The following ZNF276 variants were observed in gnomAD, a reference collection of about 807,000 sequenced individuals.
The protein encoded by ZNF276 is zinc finger protein 276, also known as centromere protein Z.
A neutral mutation model predicts 63.9 loss-of-function variants in ZNF276; 59 were observed. That is an observed-to-expected ratio of 0.92 (90% CI 0.75 to 1.15). The LOEUF (loss-of-function observed/expected upper bound fraction) is 1.15. Among genes scored for constraint, ZNF276 ranks in the 50% most tolerant of loss-of-function variants. The pLI, the probability that ZNF276 is intolerant of heterozygous loss-of-function variation, is 0.00. For missense variants in ZNF276, 1,084 were observed against 843.8 expected, an observed-to-expected ratio of 1.28 and a Z score of -3.53; for synonymous variants, 496 against 348.4, an observed-to-expected ratio of 1.42 and a Z score of -4.72.
intron 4 of ZNF276, among the ~76,000 whole-genome samples, chr16:89,724,744 G>A (rs1209142257): frequency 6.6e-6 from 1 of 152,208 alleles, no homozygotes; most frequent in Non-Finnish European, 1.5e-5. Context: ...GATTGTGAGT[G>A]TCACATCTTA....
rs2062115558 is a variant in ZNF276 at position 89,740,844 on chromosome 16, A to G, written c.*2598A>G. 4 of 1,613,086 alleles carry G rather than the reference A, an allele frequency of 2.5e-6. No homozygotes were observed. The South Asian group carries it at 3.3e-5, about 13-fold the overall frequency. On this transcript the variant is annotated 3_prime_UTR_variant, in exon 11 of 11. Coordinates refer to ENST00000443381, the MANE Select transcript of ZNF276 (RefSeq NM_001113525.2). Reference sequence around the variant, plus strand: ...TGACGACAGCAGGCCCATCAAGGAGAAGAAGAAAAGGAAAACCAATAGCTG... The same window carrying G: ...TGACGACAGCAGGCCCATCAAGGAGGAGAAGAAAAGGAAAACCAATAGCTG...
intron 6 of ZNF276, chr16:89,733,075 CT>C (rs1345763771): frequency 8.9e-6 from 5 of 559,762 alleles, no homozygotes; most frequent in South Asian, 2.0e-5. Context: ...GTGTTCACCC[CT>C]GACCCTGCTG....
At position 89,739,611 on chromosome 16, in the gene ZNF276, T is replaced by C. The variant is rs1353743360; in HGVS notation, c.*1365T>C. The C allele has an allele frequency of 5.2e-6, 8 of 1,535,344 alleles. No homozygotes were observed. The highest frequency in any genetic ancestry group is 3.9e-5 in the Admixed American group (2 of 50,960). ...GGACATCTCTGCCTATTATCAGTGC[T>C]GGGGACACCCCTGGGGGTCGGGACG... On this transcript the variant is annotated 3_prime_UTR_variant, in exon 11 of 11. Coordinates refer to ENST00000443381, the MANE Select transcript of ZNF276 (RefSeq NM_001113525.2).
chr16:89,721,833 G>A lies in ZNF276; in HGVS notation c.193G>A (p.Ala65Thr). ...CTGCGGGGACGCGGGCGAGGACGGC[G>A]CGGACGAGGCAGGTGGGTCCGCGGC... ...GSCGDAGEDG[A>T]DEAGAGRALA... The change falls in exon 1 of 11, where the codon GCG becomes ACG. Residue 65 changes from alanine to threonine, a missense_variant. Physicochemically the swap from Ala to Thr is moderately conservative, Grantham distance 58 (BLOSUM62 0). Coordinates refer to ENST00000443381, the MANE Select transcript of ZNF276 (RefSeq NM_001113525.2). 8.2e-7 allele frequency: 1 copy of A among 1,219,044 alleles called. No individual in the cohort carries two copies. Among genetic ancestry groups the A allele is most frequent in the Non-Finnish European group, 1.0e-6 (1 of 980,198 alleles). The allele number at this position is 1,219,044 out of a possible 1,614,324, so 75.5% of individuals were successfully genotyped here.
Position 89,733,494 on chromosome 16 carries a change from C to T in ZNF276, c.1293C>T (p.Pro431=). 6.2e-7 allele frequency: 1 copy of T among 1,614,196 alleles called. No individual in the cohort carries two copies. The highest frequency in any genetic ancestry group is 8.5e-7 in the Non-Finnish European group (1 of 1,180,034). ...CTCTTCATTGCAGGGAGGAGCTTCC[C>T]ACCATCTACAAGTGTCCTTACCAGG... ...KKLRCEREEL[P]TIYKCPYQGC... is the part of the protein sequence containing the mutation. The change falls in exon 8 of 11, where the codon CCC becomes CCT. Residue 431 remains proline (P), a synonymous_variant. Coordinates refer to ENST00000443381, the MANE Select transcript of ZNF276 (RefSeq NM_001113525.2).
At chr16:89,721,980 C>A (rs2061300137) in intron 1 of ZNF276, 135 bp downstream of exon 1, 1 of 616,672 alleles carries the variant, frequency 1.6e-6, no homozygotes. Context: ...GGGGCTGCGT[C>A]GGGATAGGCG....
At position 89,728,370 on chromosome 16, in the gene ZNF276, G is replaced by A. The variant is rs964207213; in HGVS notation, c.1086-865G>A. 9.2e-5 allele frequency among the ~76,000 whole-genome samples: 14 copies of A among 151,474 alleles called. No homozygotes were observed. The South Asian group carries it at 1.3e-3, about 14-fold the overall frequency. On this transcript the variant is annotated intron_variant, in intron 5 of 10. Coordinates refer to ENST00000443381, the MANE Select transcript of ZNF276 (RefSeq NM_001113525.2). ...CTCCCGAGTAGCTGGGATTACAGGC[G>A]CCCGCCACCACACCCAGCTAAGTTT...
In ZNF276 at chr16:89,733,343, C is replaced by G; in HGVS notation, c.1211C>G (p.Ser404Cys). Residue 404 changes from serine (S) to cysteine (C), a missense_variant, in exon 7 of 11, where the codon TCT (serine) becomes TGT (cysteine). By Grantham distance (112) the Ser-to-Cys change is moderately radical. Transcript: ENST00000443381. ...KKSESKEAKK[S>C]EEPRIRKKPG... ...AGTGAAAGCAAAGAAGCCAAGAAGT[C>G]TGAAGAACCAAGAATTCGGAAGAAG... The G allele has an allele frequency of 6.2e-7, 1 of 1,614,148 alleles. No homozygotes were observed. The highest frequency in any genetic ancestry group is 8.5e-7 in the Non-Finnish European group (1 of 1,180,034).
At position 89,737,983 on chromosome 16, in the gene ZNF276, G is replaced by A; in HGVS notation, c.1582G>A (p.Val528Ile). 1.2e-6 allele frequency: 2 copies of A among 1,614,152 alleles called. No homozygotes were observed. The highest frequency in any genetic ancestry group is 1.7e-6 in the Non-Finnish European group (2 of 1,180,036). Residue 528 changes from valine to isoleucine, a missense_variant, in exon 11 of 11, where the codon GTC (valine) becomes ATC (isoleucine). By Grantham distance (29) the Val-to-Ile change is conservative (BLOSUM62 3). Coordinates refer to ENST00000443381, the MANE Select transcript of ZNF276 (RefSeq NM_001113525.2). The part of the protein sequence containing the change: ...HSGAKPLQCE[V>I]CGFQCRQRAS... ...TCTGCCTCTGTCCCCCAGGTGTGAG[G>A]TCTGTGGGTTCCAGTGCAGGCAGCG...
chr16:89,724,696 A>G (rs2061412754), intron 4 of ZNF276, among the ~76,000 whole-genome samples: 1 of 152,148 alleles, frequency 6.6e-6, no homozygotes, highest in Non-Finnish European at 1.5e-5. Context: ...GGGTGCACAG[A>G]TGAGACAGTG....
intron 1 of ZNF276, 96 bp downstream of exon 1, chr16:89,721,941 C>A: frequency 1.1e-6 from 1 of 874,664 alleles, no homozygotes; most frequent in Non-Finnish European, 1.5e-6. Flanking sequence ...GCGGCCTCTC[C>A]TCCACCCGGC....
At position 89,739,388 on chromosome 16, in the gene ZNF276, A is replaced by T; in HGVS notation, c.*1142A>T. ...TCATCTGTGGAGCAGAGGCACAGACAACCCTTCCCATCTGGCGGGACCCAG... is the reference window on the plus strand; with the variant it reads ...TCATCTGTGGAGCAGAGGCACAGACTACCCTTCCCATCTGGCGGGACCCAG... On this transcript the variant is annotated 3_prime_UTR_variant, in exon 11 of 11. Coordinates refer to ENST00000443381, the MANE Select transcript of ZNF276 (RefSeq NM_001113525.2). 1.9e-6 allele frequency: 3 copies of T among 1,577,960 alleles called. No homozygotes were observed. Among genetic ancestry groups the T allele is most frequent in the Non-Finnish European group, 2.6e-6 (3 of 1,157,426 alleles).
intron 2 of ZNF276, 118 bp downstream of exon 2, chr16:89,722,952 C>A: frequency 1.3e-6 from 2 of 1,555,758 alleles, no homozygotes; most frequent in South Asian, 1.2e-5. Flanking sequence ...ATGGGCCATG[C>A]CCGGGTTCAG....
At position 89,723,279 on chromosome 16, in the gene ZNF276, C is replaced by T. The variant is rs748624285; in HGVS notation, c.576C>T (p.Ser192=). ...GACLVDLITS[S]PQCLHGLVGW... The stretch of plus-strand genomic sequence containing the variant: ...CTGCAGTGGATCTGATCACATCCAG[C>T]CCCCAGTGCCTGCACGGCTTGGTGG... Residue 192 remains serine (S), a synonymous_variant, in exon 4 of 11, where the codon AGC becomes AGT. Coordinates refer to ENST00000443381, the MANE Select transcript of ZNF276 (RefSeq NM_001113525.2). 1.1e-5 allele frequency: 18 copies of T among 1,612,866 alleles called. No homozygotes were observed. Among genetic ancestry groups the T allele is most frequent in the Non-Finnish European group, 1.3e-5 (15 of 1,179,942 alleles).
chr16:89,740,908 C>T lies in ZNF276; in HGVS notation c.*2662C>T, dbSNP rs972488096. 2.6e-6 allele frequency: 4 copies of T among 1,531,020 alleles called. No individual in the cohort carries two copies. The highest frequency in any genetic ancestry group is 1.2e-5 in the South Asian group (1 of 86,310). The allele number at this position is 1,531,020 out of a possible 1,614,324, so 94.8% of individuals were successfully genotyped here. On this transcript the variant is annotated 3_prime_UTR_variant, in exon 11 of 11. Coordinates refer to ENST00000443381, the MANE Select transcript of ZNF276 (RefSeq NM_001113525.2). ...GCACTTATTATTACATTAAAATTAC[C>T]TGTGCTGTCATTCTAAATAAGGCTG...
At chr16:89,723,775 C>A in intron 4 of ZNF276, 66 bp downstream of exon 4, 1 of 1,478,112 alleles carries the variant, frequency 6.8e-7, no homozygotes, top group Non-Finnish European at 9.1e-7. Flanking sequence ...GGGTTTTCAG[C>A]AGAAAGTGAA....
Position 89,740,163 on chromosome 16 carries a change from A to G in ZNF276, c.*1917A>G. 1.5e-6 allele frequency: 2 copies of G among 1,291,750 alleles called. No individual in the cohort carries two copies. Among genetic ancestry groups the G allele is most frequent in the South Asian group, 1.2e-5 (1 of 84,486 alleles). The allele number at this position is 1,291,750 out of a possible 1,614,324, so 80.0% of individuals were successfully genotyped here. On this transcript the variant is annotated 3_prime_UTR_variant, in exon 11 of 11. Coordinates refer to ENST00000443381, the MANE Select transcript of ZNF276 (RefSeq NM_001113525.2). ...CTGGTGCTCCCATGGGTAGGAGGGT[A>G]CAGCCCTCAGCACAGAAGAGGGCAT...
intron 4 of ZNF276, 148 bp from the exon 5 acceptor site, chr16:89,727,131 G>T: frequency 1.3e-6 from 1 of 794,360 alleles, no homozygotes; most frequent in Non-Finnish European, 2.2e-6. Flanking sequence ...TAGCACCCTT[G>T]GTGGGGATGG....
In ZNF276 at chr16:89,733,293, T is replaced by G. The variant is rs777199893; in HGVS notation, c.1170-9T>G. 6 of 1,610,170 alleles carry G rather than the reference T, an allele frequency of 3.7e-6. No individual in the cohort carries two copies. The highest frequency in any genetic ancestry group is 2.7e-5 in the African/African-American group (2 of 74,408). Reference sequence around the variant, plus strand: ...GAAACCATTGAATTTGGGAACCTCTTTTTTTCAGAGTCTCTGGTAAGAAGA... The same window carrying G: ...GAAACCATTGAATTTGGGAACCTCTGTTTTTCAGAGTCTCTGGTAAGAAGA... On this transcript the variant is annotated splice_polypyrimidine_tract_variant and intron_variant, in intron 6 of 10. Coordinates refer to ENST00000443381, the MANE Select transcript of ZNF276 (RefSeq NM_001113525.2).
Sources: allele counts gnomAD v4.1 joint callset (sites outside exome capture counted in the v4.1 genomes callset), GRCh38; gene constraint gnomAD v4.1.1; transcripts MANE v1.5; gene names NCBI Gene and HGNC (gene_info 2026-07-23, HGNC 2026-07-21).